The following SZT2 variants were observed in gnomAD, a reference collection of about 807,000 sequenced individuals.
SZT2 encodes the protein KICSTOR complex protein SZT2.
Under a neutral mutation model 404.2 loss-of-function variants are expected in SZT2, and 216 were observed. The ratio of observed to expected loss-of-function variants is 0.53; its 90% CI spans 0.48 to 0.60. The LOEUF (loss-of-function observed/expected upper bound fraction) is 0.60, where lower values mean the gene tolerates loss of function less well. Among genes scored for constraint, SZT2 ranks in the 20% least tolerant of loss-of-function variants. SZT2 has a pLI of 0.00. For synonymous variants in SZT2, 1,693 were observed against 1,749.9 expected (o/e 0.97, Z 0.81); for missense variants, 3,857 against 4,459.2 (o/e 0.86, Z 3.85).
At chr1:43,404,293 T>G in intron 3 of SZT2, 87 bp from the exon 4 acceptor site, 1 of 1,130,060 alleles carries the variant, frequency 8.8e-7, no homozygotes, top group Non-Finnish European at 1.3e-6. Flanking sequence ...AAGTTAAGTG[T>G]CCTACTGACC....
At chr1:43,400,883 A>AAAGAACCTAGTATAGTG (rs1273320339) in intron 1 of SZT2, among the ~76,000 whole-genome samples, 1 of 152,182 alleles carries the variant, frequency 6.6e-6, no homozygotes, top group African/African-American at 2.4e-5. Context: ...AAAAAAAAAA[A>AAAGAACCTAGTATAGTG]AAGAACCTAG....
At chr1:43,411,692 G>A (rs1179755568) in intron 4 of SZT2, among the ~76,000 whole-genome samples, 2 of 151,870 alleles carry the variant, frequency 1.3e-5, no homozygotes, top group South Asian at 2.1e-4. Flanking sequence ...TTGGCTTGTG[G>A]AGGGGGAAGA....
chr1:43,427,097 C>A lies in SZT2; in HGVS notation c.3351C>A (p.Ala1117=), dbSNP rs761238460. ...AAACTCTCAAGCCTCTCATCTCTGC[C>A]CAGCCCCCTCAGTGGCGCTGCTATG... is the stretch of plus-strand genomic sequence containing the variant. The part of the protein sequence containing the change: ...LPETLKPLIS[A]QPPQWRCYAR... The change falls in exon 24 of 72, where the codon GCC becomes GCA. Residue 1117 remains alanine, a synonymous_variant. Coordinates refer to ENST00000634258, the MANE Select transcript of SZT2 (RefSeq NM_001365999.1). 1 of 1,614,170 alleles carries A rather than the reference C, an allele frequency of 6.2e-7. No homozygotes were observed. Among genetic ancestry groups the A allele is most frequent in the South Asian group, 1.1e-5 (1 of 91,078 alleles).
rs1654628699 is a variant in SZT2 at position 43,437,836 on chromosome 1, G to A, written c.6442G>A (p.Ala2148Thr). 4 of 1,614,184 alleles carry A rather than the reference G, an allele frequency of 2.5e-6. No individual in the cohort carries two copies. Among genetic ancestry groups the A allele is most frequent in the Non-Finnish European group, 3.4e-6 (4 of 1,180,038 alleles). The change falls in exon 46 of 72, where the codon GCT becomes ACT. Residue 2148 changes from alanine to threonine, a missense_variant. Coordinates refer to ENST00000634258, the MANE Select transcript of SZT2 (RefSeq NM_001365999.1). This position sits in a 1 kb window ranked among gnomAD's most constrained non-coding sequence, Gnocchi z 5.3. ...CATGGTCTCTAGCCGCAGTTCAGAT[G>A]CTGCTCGTCCTGTGGGCCAAGTGGA... is the stretch of plus-strand genomic sequence containing the variant. ...LDMVSSRSSD[A>T]ARPVGQVDRH...
intron 1 of SZT2, 121 bp downstream of exon 1, chr1:43,390,116 A>G: frequency 2.5e-6 from 3 of 1,199,756 alleles, no homozygotes; most frequent in Non-Finnish European, 3.3e-6. Context: ...CTCGGCAGGG[A>G]CCAGCCCAGC....
Position 43,404,489 on chromosome 1 carries a change from A to G in SZT2, c.437A>G (p.Gln146Arg). The change falls in exon 4 of 72, where the codon CAG becomes CGG. Residue 146 changes from glutamine to arginine, a missense_variant. Physicochemically the swap from Gln to Arg is conservative, Grantham distance 43. This residue lies in a region of SZT2 where 536 missense variants were observed against 637.4 expected (regional missense o/e 0.84). Coordinates refer to ENST00000634258, the MANE Select transcript of SZT2 (RefSeq NM_001365999.1). Reference sequence around the variant, plus strand: ...GTGCCTGGATCTTGCATCGACTTCCAGCCTGAGATCTATGTAACTATCCAG... The same window carrying G: ...GTGCCTGGATCTTGCATCGACTTCCGGCCTGAGATCTATGTAACTATCCAG... ...FRVPGSCIDF[Q>R]PEIYVTIQAY... is the part of the protein sequence containing the mutation. 6.2e-7 allele frequency: 1 copy of G among 1,614,036 alleles called. No homozygotes were observed. Among genetic ancestry groups the G allele is most frequent in the Non-Finnish European group, 8.5e-7 (1 of 1,180,022 alleles).
chr1:43,394,919 T>G (rs1243658011), intron 1 of SZT2, among the ~76,000 whole-genome samples: 1 of 151,872 alleles, frequency 6.6e-6, no homozygotes, highest in Non-Finnish European at 1.5e-5. Context: ...ATATAGTTGT[T>G]GACTTTGAAG....
chr1:43,438,595 C>G (rs1654716905), intron 46 of SZT2, 104 bp from the exon 47 acceptor site: 3 of 1,092,222 alleles, frequency 2.7e-6, no homozygotes, highest in Non-Finnish European at 4.1e-6. Flanking sequence ...CTAACACTGC[C>G]TCTAGTATAC....
At position 43,420,163 on chromosome 1, in the gene SZT2, C is replaced by A; in HGVS notation, c.1101C>A (p.His367Gln). Residue 367 changes from histidine to glutamine, a missense_variant, in exon 9 of 72, where the codon CAC (histidine) becomes CAA (glutamine). His to Gln is a conservative substitution (Grantham distance 24, BLOSUM62 0). Coordinates refer to ENST00000634258, the MANE Select transcript of SZT2 (RefSeq NM_001365999.1). The surrounding 1 kb of genome is among the most constrained non-coding windows in gnomAD (Gnocchi z 5.1). The part of the protein sequence containing the change: ...LNPEYYCGSQ[H>Q]RLFNEHLVSA... ...CCACTGGTCTTCCAGGCTCTCAGCA[C>A]CGCCTATTTAATGAGCACCTGGTCT... The A allele has an allele frequency of 1.9e-6, 3 of 1,598,376 alleles. No individual in the cohort carries two copies. The highest frequency in any genetic ancestry group is 2.5e-6 in the Non-Finnish European group (3 of 1,179,766).
At chr1:43,431,173 AAGG>A in intron 33 of SZT2, 83 bp downstream of exon 33, 1 of 1,574,746 alleles carries the variant, frequency 6.4e-7, no homozygotes, top group Non-Finnish European at 8.6e-7. Context: ...CTTGGGGACT[AAGG>A]AGACCTTGAG....
chr1:43,444,626 T>C (rs550631645), intron 62 of SZT2, among the ~76,000 whole-genome samples: 1 of 152,236 alleles, frequency 6.6e-6, no homozygotes, highest in South Asian at 2.1e-4. Flanking sequence ...TCTTGGGAAG[T>C]AGGCAGCCCG....
chr1:43,445,603 C>G lies in SZT2; in HGVS notation c.8826-291C>G, dbSNP rs559706172. 5 of 466,470 alleles carry G rather than the reference C, an allele frequency of 1.1e-5. No homozygotes were observed. The Admixed American group carries it at 1.7e-4, about 16-fold the overall frequency. The allele number at this position is 466,470 out of a possible 1,614,324, so 28.9% of individuals were successfully genotyped here. The stretch of plus-strand genomic sequence containing the variant: ...AAATTGTAGACAGGCATCACCTTCC[C>G]CCTTCTCTTTCCTGCCCAGCACACA... On this transcript the variant is annotated intron_variant, in intron 62 of 71. Transcript: ENST00000634258.
intron 4 of SZT2, chr1:43,406,281 A>G (rs1394668108): frequency 3.1e-6 from 1 of 321,130 alleles, no homozygotes; most frequent in South Asian, 2.3e-5. Context: ...TTTTTTTGGT[A>G]GAGACAGGGT....
intron 62 of SZT2, among the ~76,000 whole-genome samples, chr1:43,444,909 G>T (rs1655496919): frequency 6.6e-6 from 1 of 152,184 alleles, no homozygotes; most frequent in Admixed American, 6.5e-5. Flanking sequence ...CAGTAGTCCA[G>T]AAATGCCAGT....
In SZT2 at chr1:43,422,780, A is replaced by G; in HGVS notation, c.1934A>G (p.Gln645Arg). ...YVKLLSSAPD[Q>R]PPNSFYMVRI... ...CCATTTCTCCCCAGTGCCCCAGACCAGCCCCCCAATTCCTTCTACATGGTC... is the reference window on the plus strand; with the variant it reads ...CCATTTCTCCCCAGTGCCCCAGACCGGCCCCCCAATTCCTTCTACATGGTC... The change falls in exon 14 of 72, where the codon CAG (glutamine) becomes CGG (arginine). Residue 645 changes from glutamine to arginine, a missense_variant. Around this residue, in one of 7 missense-constraint regions of SZT2, gnomAD observed 1,725 missense variants for 1,881.0 expected, o/e 0.92. Coordinates refer to ENST00000634258, the MANE Select transcript of SZT2 (RefSeq NM_001365999.1). 2 of 1,587,808 alleles carry G rather than the reference A, an allele frequency of 1.3e-6. No individual in the cohort carries two copies. Among genetic ancestry groups the G allele is most frequent in the South Asian group, 1.1e-5 (1 of 88,846 alleles).
intron 10 of SZT2, 31 bp downstream of exon 10, chr1:43,421,014 C>T (rs1207136224): frequency 6.3e-7 from 1 of 1,592,098 alleles, no homozygotes; most frequent in South Asian, 1.1e-5. Context: ...ATGAGTGCTG[C>T]CCCATTTGTT....
chr1:43,422,251 A>T, intron 12 of SZT2, 26 bp downstream of exon 12: 1 of 1,559,028 alleles, frequency 6.4e-7, no homozygotes, highest in Non-Finnish European at 8.7e-7. Flanking sequence ...GCTGGGCCAT[A>T]GTTGGGGTGG....
intron 7 of SZT2, 124 bp from the exon 8 acceptor site, chr1:43,419,610 G>A (rs1652100835): frequency 1.3e-6 from 1 of 751,582 alleles, no homozygotes; most frequent in Non-Finnish European, 2.2e-6. Context: ...GAAAACACTG[G>A]CCTACTTCCC....
At position 43,422,568 on chromosome 1, in the gene SZT2, C is replaced by G. The variant is rs760332139; in HGVS notation, c.1858C>G (p.Leu620Val). ...CRISHSSLTSLLRDWSSFVLV... is the reference protein window; with the variant it reads ...CRISHSSLTSVLRDWSSFVLV... Reference sequence around the variant, plus strand: ...GATCTCCCACTCCTCCCTGACCTCTCTGCTGCGGGACTGGAGCAGCTTCGT... The same window carrying G: ...GATCTCCCACTCCTCCCTGACCTCTGTGCTGCGGGACTGGAGCAGCTTCGT... The change falls in exon 13 of 72, where the codon CTG becomes GTG. Residue 620 changes from leucine (L) to valine (V), a missense_variant. Around this residue, in one of 7 missense-constraint regions of SZT2, gnomAD observed 1,725 missense variants for 1,881.0 expected, o/e 0.92. Transcript: ENST00000634258. 8.1e-6 allele frequency: 13 copies of G among 1,598,092 alleles called. No individual in the cohort carries two copies. The Admixed American group carries it at 8.3e-5, about 10-fold the overall frequency.
Sources: allele counts gnomAD v4.1 joint callset (sites outside exome capture counted in the v4.1 genomes callset), GRCh38; gene constraint gnomAD v4.1.1; regional missense constraint gnomAD v4.1.1; non-coding constraint Gnocchi (gnomAD v3.1); transcripts MANE v1.5; gene names NCBI Gene and HGNC (gene_info 2026-07-23, HGNC 2026-07-21).